COPS4: variants seen among roughly 807,000 people sequenced by gnomAD.
The protein encoded by COPS4 is COP9 signalosome subunit 4.
A neutral mutation model predicts 55.1 loss-of-function variants in COPS4; 8 were observed. The observed-to-expected ratio is 0.15, with a 90% CI of 0.09 to 0.26. COPS4 has a LOEUF of 0.26. Ranked by LOEUF, COPS4 falls within the 10% of genes least tolerant of loss-of-function variation. COPS4 has a pLI of 1.00. For synonymous variants in COPS4, 185 were observed against 165.7 expected (o/e 1.12, Z -0.90); for missense variants, 248 against 484.0 (o/e 0.51, Z 4.58).
At chr4:83,043,542 A>C (rs1234661230) in intron 1 of COPS4, among the ~76,000 whole-genome samples, 3 of 150,648 alleles carry the variant, frequency 2.0e-5, no homozygotes, top group South Asian at 2.1e-4. Context: ...AAAAAAAAAA[A>C]AAAACCATAA....
intron 6 of COPS4, 61 bp downstream of exon 6, chr4:83,057,469 G>T: frequency 7.2e-7 from 1 of 1,383,738 alleles, no homozygotes; most frequent in East Asian, 2.4e-5. Flanking sequence ...ACTTTAGGTT[G>T]GTTACTGTTG....
At chr4:83,035,491 C>T in intron 1 of COPS4, 193 bp downstream of exon 1, 1 of 411,196 alleles carries the variant, frequency 2.4e-6, no homozygotes, top group South Asian at 2.0e-5. Flanking sequence ...TGTGCAGGGG[C>T]CTTCGAGGCT....
rs780279021 is a variant in COPS4 at position 83,049,328 on chromosome 4, A to C, written c.306+11A>C. ...TCATTTGAGGAGCAGGTAAAAATCT[A>C]GAGAAGTGGTTTTTTAACTTGAGAT... On this transcript the variant is annotated intron_variant, in intron 3 of 9. Coordinates refer to ENST00000264389, the MANE Select transcript of COPS4 (RefSeq NM_016129.3). 1.3e-6 allele frequency: 2 copies of C among 1,565,164 alleles called. No homozygotes were observed. The highest frequency in any genetic ancestry group is 1.7e-6 in the Non-Finnish European group (2 of 1,162,544).
intron 1 of COPS4, among the ~76,000 whole-genome samples, chr4:83,042,671 C>T (rs971241394): frequency 6.6e-6 from 1 of 151,974 alleles, no homozygotes; most frequent in African/African-American, 2.4e-5. Context: ...GGCAAGATCT[C>T]AGCTCACTGC....
At chr4:83,063,322 G>C in intron 7 of COPS4, 76 bp downstream of exon 7, 1 of 967,278 alleles carries the variant, frequency 1.0e-6, no homozygotes, top group Non-Finnish European at 1.5e-6. Flanking sequence ...TAAATTAGAA[G>C]TATCTTTTAA....
Position 83,063,271 on chromosome 4 carries a change from A to G in COPS4, c.886+25A>G, listed in dbSNP as rs532173706. ...GGTAATGATCCTGTCTTATGTGTAT[A>G]TGGTAGTCAATGTTTAGGTACAGAC... On this transcript the variant is annotated intron_variant, in intron 7 of 9. Transcript: ENST00000264389. 4 of 1,563,786 alleles carry G rather than the reference A, an allele frequency of 2.6e-6. No individual in the cohort carries two copies. In the South Asian group the frequency reaches 3.6e-5, roughly 14 times the overall value.
intron 2 of COPS4, 72 bp downstream of exon 2, chr4:83,045,777 T>A: frequency 1.1e-6 from 1 of 920,480 alleles, no homozygotes; most frequent in Admixed American, 2.2e-5. Flanking sequence ...TCAAGCCTTG[T>A]TTTGTATCAA....
chr4:83,047,365 G>A (rs1035822995), intron 2 of COPS4, among the ~76,000 whole-genome samples: 1 of 152,072 alleles, frequency 6.6e-6, no homozygotes, highest in African/African-American at 2.4e-5. Flanking sequence ...ACCAGCCTGG[G>A]CAATGTGGAG....
chr4:83,050,321 G>A (rs1233300136), intron 4 of COPS4, among the ~76,000 whole-genome samples: 1 of 151,870 alleles, frequency 6.6e-6, no homozygotes, highest in Non-Finnish European at 1.5e-5. Context: ...TTTTTGTGAC[G>A]GAGTTTTGCT....
At chr4:83,041,742 C>G (rs996406624) in intron 1 of COPS4, among the ~76,000 whole-genome samples, 12 of 152,038 alleles carry the variant, frequency 7.9e-5, no homozygotes, top group African/African-American at 2.7e-4. Flanking sequence ...GCTGGGATTG[C>G]AGGTGTGAGC....
At chr4:83,051,098 CAA>C (rs536123309) in intron 4 of COPS4, among the ~76,000 whole-genome samples, 58 of 102,770 alleles carry the variant, frequency 5.6e-4, no homozygotes, top group Admixed American at 6.3e-4. Context: ...CCATCTCCAC[CAA>C]AAAAAAAAAA....
At chr4:83,050,337 G>T (rs1005568399) in intron 4 of COPS4, among the ~76,000 whole-genome samples, 4 of 151,992 alleles carry the variant, frequency 2.6e-5, no homozygotes, top group African/African-American at 9.7e-5. Flanking sequence ...TTGCTCTGTT[G>T]CCCAGGCTGG....
At chr4:83,038,090 TTAGAA>T (rs1730472191) in intron 1 of COPS4, among the ~76,000 whole-genome samples, 2 of 152,246 alleles carry the variant, frequency 1.3e-5, no homozygotes, top group Admixed American at 1.3e-4. Context: ...ACATAAAGCT[TTAGAA>T]TAGGAGAGCC....
rs1381389280 is a variant in COPS4 at position 83,041,989 on chromosome 4, C to T, written c.75-3637C>T. Among the ~76,000 whole-genome samples the T allele has an allele frequency of 5.3e-5, 8 of 151,684 alleles. No homozygotes were observed. In the East Asian group the frequency reaches 1.6e-3, roughly 29 times the overall value. ...AAGTGATTCTCGTGCCTCAGCCTCCCGAGTAGCTGAGATTACAGGCACGTG... is the reference window on the plus strand; with the variant it reads ...AAGTGATTCTCGTGCCTCAGCCTCCTGAGTAGCTGAGATTACAGGCACGTG... On this transcript the variant is annotated intron_variant, in intron 1 of 9. Coordinates refer to ENST00000264389, the MANE Select transcript of COPS4 (RefSeq NM_016129.3).
Position 83,057,339 on chromosome 4 carries a change from A to T in COPS4, c.646A>T (p.Ile216Leu). ...GTACAATGAGCTCTCTTACAAGACA[A>T]TAGTCCACGAAAGTGAAAGACTAGA... is the stretch of plus-strand genomic sequence containing the variant. ...QRYNELSYKT[I>L]VHESERLEAL... Residue 216 changes from isoleucine to leucine, a missense_variant, in exon 6 of 10, where the codon ATA becomes TTA. This residue lies in a region of COPS4 where 155 missense variants were observed against 326.6 expected (regional missense o/e 0.47). Transcript: ENST00000264389. The T allele has an allele frequency of 6.2e-7, 1 of 1,613,454 alleles. No individual in the cohort carries two copies. Among genetic ancestry groups the T allele is most frequent in the Non-Finnish European group, 8.5e-7 (1 of 1,179,750 alleles).
Position 83,068,536 on chromosome 4 carries a change from T to C in COPS4, c.1087+14T>C, listed in dbSNP as rs755746551. 2 of 1,505,064 alleles carry C rather than the reference T, an allele frequency of 1.3e-6. No individual in the cohort carries two copies. Among genetic ancestry groups the C allele is most frequent in the East Asian group, 4.5e-5 (2 of 44,228 alleles). The allele number at this position is 1,505,064 out of a possible 1,614,324, so 93.2% of individuals were successfully genotyped here. ...TTCATTTTGAAAGTAAGAGGTTTTG[T>C]GTATTTCTGTCATAATGAAATAGCA... On this transcript the variant is annotated intron_variant, in intron 9 of 9. Coordinates refer to ENST00000264389, the MANE Select transcript of COPS4 (RefSeq NM_016129.3).
chr4:83,064,820 A>G (rs1731253830), intron 7 of COPS4, among the ~76,000 whole-genome samples: 1 of 143,806 alleles, frequency 7.0e-6, no homozygotes, highest in South Asian at 2.3e-4. Flanking sequence ...TCAGCCTTCC[A>G]GAGCACTGGG....
In COPS4 at chr4:83,036,918, C is replaced by T. The variant is rs188458648; in HGVS notation, c.74+1620C>T. Among the ~76,000 whole-genome samples the T allele has an allele frequency of 9.1e-4, 139 of 152,308 alleles. 3 individuals carry two copies. In the East Asian group the frequency reaches 0.024, roughly 26 times the overall value. ...AATTCTGAAACTTAAGTATTTACTT[C>T]TTCAGGTCTGAATTGGAGATAAACA... On this transcript the variant is annotated intron_variant, in intron 1 of 9. Transcript: ENST00000264389.
chr4:83,044,261 A>G (rs1730644506), intron 1 of COPS4, among the ~76,000 whole-genome samples: 1 of 149,232 alleles, frequency 6.7e-6, no homozygotes, highest in African/African-American at 2.5e-5. Context: ...CCTGGCCAAC[A>G]TGCGGAAACC....
Sources: allele counts gnomAD v4.1 joint callset (sites outside exome capture counted in the v4.1 genomes callset), GRCh38; gene constraint gnomAD v4.1.1; regional missense constraint gnomAD v4.1.1; transcripts MANE v1.5; gene names NCBI Gene and HGNC (gene_info 2026-07-23, HGNC 2026-07-21).